Variants in VPS13B observed in about 807,000 individuals in gnomAD.
VPS13B encodes the protein vacuolar protein sorting 13 homolog B.
In VPS13B, 285 loss-of-function variants were observed where a neutral mutation model predicts 426.4. That is an observed-to-expected ratio of 0.67 (90% CI 0.61 to 0.74). The LOEUF is 0.74. Among genes scored for constraint, VPS13B ranks in the 30% least tolerant of loss-of-function variants. The pLI is 0.00. For missense variants in VPS13B, 4,537 were observed against 4,782.6 expected (o/e 0.95, Z 1.51); for synonymous variants, 1,676 against 1,676.4 (o/e 1.00, Z 0.01).
intron 44 of VPS13B, among the ~76,000 whole-genome samples, chr8:99,816,819 A>T (rs1160617954): frequency 6.6e-6 from 1 of 152,092 alleles, no homozygotes; most frequent in African/African-American, 2.4e-5. Flanking sequence ...AAACTAAATA[A>T]ATAAACTGAA....
chr8:99,015,304 T>C (rs912426331), intron 2 of VPS13B, among the ~76,000 whole-genome samples: 1 of 147,762 alleles, frequency 6.8e-6, no homozygotes, highest in Non-Finnish European at 1.5e-5. Context: ...GCAAGCTCCA[T>C]CTCCCGGGTT....
At chr8:99,312,574 G>C (rs761118350) in intron 19 of VPS13B, among the ~76,000 whole-genome samples, 10 of 152,240 alleles carry the variant, frequency 6.6e-5, no homozygotes, top group South Asian at 6.2e-4. Flanking sequence ...GTGGGTAACC[G>C]GACCTTTCTC....
Position 99,875,398 on chromosome 8 carries a change from T to C in VPS13B, c.11746-20T>C. On this transcript the variant is annotated intron_variant, in intron 61 of 61. Coordinates refer to ENST00000357162, the MANE Select transcript of VPS13B (RefSeq NM_152564.5). ...CTCGTAAGGGTCTGGCAACTAATCT[T>C]TATTATTTTTGGATCCTAGGTAGAT... 6.2e-7 allele frequency: 1 copy of C among 1,614,130 alleles called. No homozygotes were observed. The highest frequency in any genetic ancestry group is 1.1e-5 in the South Asian group (1 of 91,082).
rs116048246 is a variant in VPS13B, at chr8:99,553,581, A to C, written c.4746-2869A>C. 7.2e-3 allele frequency among the ~76,000 whole-genome samples: 1,097 copies of C among 152,206 alleles called. 8 individuals are homozygous for C. The highest frequency in any genetic ancestry group is 0.026 in the African/African-American group (1,060 of 41,540). ...TTTCAATTACACATATATTTTATTT[A>C]TCTTTATAATAGTCATATCAAAATA... On this transcript the variant is annotated intron_variant, in intron 30 of 61. Transcript: ENST00000357162.
In VPS13B at chr8:99,742,203, G is replaced by A. The variant is rs4490803; in HGVS notation, c.7050+21156G>A. ...CAGAGAATACTATAAACACCTCTAC[G>A]CAAATAAACTAGAAAATCTAGAAGA... On this transcript the variant is annotated intron_variant, in intron 39 of 61. Coordinates refer to ENST00000357162, the MANE Select transcript of VPS13B (RefSeq NM_152564.5). Among the ~76,000 whole-genome samples, 272 of 152,200 alleles carry A rather than the reference G, an allele frequency of 1.8e-3. 3 individuals are homozygous for A. Among genetic ancestry groups the A allele is most frequent in the Admixed American group, 9.4e-3 (143 of 15,272 alleles).
chr8:99,734,240 A>G (rs1460430228), intron 39 of VPS13B, among the ~76,000 whole-genome samples: 2 of 152,148 alleles, frequency 1.3e-5, no homozygotes, highest in Admixed American at 6.5e-5. Flanking sequence ...CTTTATATGG[A>G]TATACCACAT....
chr8:99,114,382 T>G (rs1224430169), intron 6 of VPS13B, among the ~76,000 whole-genome samples: 8 of 152,324 alleles, frequency 5.3e-5, no homozygotes, highest in East Asian at 3.9e-4. Context: ...ATTTGTTCTT[T>G]GTATTATCAG....
chr8:99,871,811 G>A (rs1588812565), intron 61 of VPS13B, 114 bp downstream of exon 61: 4 of 1,570,364 alleles, frequency 2.5e-6, no homozygotes, highest in African/African-American at 1.3e-5. Context: ...GGCTGCTGGA[G>A]ACCAAGGAGA....
Position 99,699,808 on chromosome 8 carries a change from T to G in VPS13B, c.6330T>G (p.Ser2110=). 1 of 1,613,920 alleles carries G rather than the reference T, an allele frequency of 6.2e-7. No individual in the cohort carries two copies. Among genetic ancestry groups the G allele is most frequent in the Non-Finnish European group, 8.5e-7 (1 of 1,179,918 alleles). The change falls in exon 36 of 62, where the codon TCT becomes TCG. Residue 2110 remains serine (S), a synonymous_variant. Coordinates refer to ENST00000357162, the MANE Select transcript of VPS13B (RefSeq NM_152564.5). ...WRAVSCFQKI[S]VQTTQIVISM... ...CTGTTTCCTGCTTTCAAAAAATTTCTGTTCAAACTACTCAGATTGTGATCT... is the reference window on the plus strand; with the variant it reads ...CTGTTTCCTGCTTTCAAAAAATTTCGGTTCAAACTACTCAGATTGTGATCT...
chr8:99,332,888 A>G (rs933176176), intron 19 of VPS13B, among the ~76,000 whole-genome samples: 2 of 151,632 alleles, frequency 1.3e-5, no homozygotes, highest in African/African-American at 4.8e-5. Flanking sequence ...GTTTTTTTAT[A>G]GCAGGGTGGT....
At chr8:99,735,065 G>A (rs887381587) in intron 39 of VPS13B, among the ~76,000 whole-genome samples, 4 of 152,138 alleles carry the variant, frequency 2.6e-5, no homozygotes, top group Non-Finnish European at 5.9e-5. Flanking sequence ...CTGATAATTC[G>A]GAGAAGAGGG....
At chr8:99,293,788 A>C (rs1474372830) in intron 19 of VPS13B, among the ~76,000 whole-genome samples, 1 of 152,086 alleles carries the variant, frequency 6.6e-6, no homozygotes, top group Non-Finnish European at 1.5e-5. Context: ...TACATGAAAA[A>C]ATGCTCACCA....
At chr8:99,023,372 A>T (rs1841991880) in intron 2 of VPS13B, among the ~76,000 whole-genome samples, 1 of 152,052 alleles carries the variant, frequency 6.6e-6, no homozygotes, top group African/African-American at 2.4e-5. Context: ...CTTATTTCAC[A>T]TAACATAATG....
At chr8:99,035,032 C>T (rs1389432186) in intron 2 of VPS13B, among the ~76,000 whole-genome samples, 1 of 151,738 alleles carries the variant, frequency 6.6e-6, no homozygotes, top group Non-Finnish European at 1.5e-5. Context: ...TCATCTGTGC[C>T]AAAAATTAAA....
chr8:99,384,986 A>C (rs1814036894), intron 20 of VPS13B, among the ~76,000 whole-genome samples: 1 of 152,078 alleles, frequency 6.6e-6, no homozygotes, highest in Non-Finnish European at 1.5e-5. Flanking sequence ...ACCAGCTTTT[A>C]TTTTTATCTC....
At position 99,135,701 on chromosome 8, in the gene VPS13B, G is replaced by A. The variant is rs368241718; in HGVS notation, c.1531G>A (p.Ala511Thr). ...YRSPENNGTR[A>T]EFILDSTHHK... ...AAGCCCAGAAAATAATGGTACTCGC[G>A]CAGAATTTATCTTGGATTCAACTCA... Residue 511 changes from alanine (A) to threonine (T), a missense_variant, in exon 11 of 62, where the codon GCA (alanine) becomes ACA (threonine). Ala to Thr is a moderately conservative substitution (Grantham distance 58, BLOSUM62 0). Transcript: ENST00000357162. 17 of 1,613,090 alleles carry A rather than the reference G, an allele frequency of 1.1e-5. No homozygotes were observed. Among genetic ancestry groups the A allele is most frequent in the African/African-American group, 9.4e-5 (7 of 74,854 alleles).
intron 55 of VPS13B, among the ~76,000 whole-genome samples, chr8:99,852,155 T>C (rs1395860272): frequency 6.6e-6 from 1 of 152,206 alleles, no homozygotes; most frequent in Non-Finnish European, 1.5e-5. Context: ...AGGATATGGC[T>C]GCCATTAACT....
intron 35 of VPS13B, among the ~76,000 whole-genome samples, chr8:99,695,703 A>T (rs1831945733): frequency 1.3e-5 from 2 of 151,298 alleles, no homozygotes; most frequent in Admixed American, 6.6e-5. Context: ...TATAATAAAA[A>T]AAAAAAAAAC....
At chr8:99,809,643 C>T in intron 44 of VPS13B, 113 bp downstream of exon 44, 1 of 1,257,138 alleles carries the variant, frequency 8.0e-7, no homozygotes, top group Non-Finnish European at 1.1e-6. Flanking sequence ...GTTATATCTA[C>T]TACTACCATG....
Sources: allele counts gnomAD v4.1 joint callset (sites outside exome capture counted in the v4.1 genomes callset), GRCh38; gene constraint gnomAD v4.1.1; transcripts MANE v1.5; gene names NCBI Gene and HGNC (gene_info 2026-07-23, HGNC 2026-07-21).